The following TMEM232 variants were observed in gnomAD, a reference collection of about 807,000 sequenced individuals.
TMEM232 encodes the protein transmembrane protein 232.
Under a neutral mutation model 78.8 loss-of-function variants are expected in TMEM232, and 80 were observed. That is an observed-to-expected ratio of 1.01 (90% CI 0.85 to 1.22). The LOEUF (loss-of-function observed/expected upper bound fraction) is 1.22, where lower values mean the gene tolerates loss of function less well. TMEM232 is among the 50% of genes most tolerant of loss of function. The pLI, the probability that TMEM232 is intolerant of heterozygous loss-of-function variation, is 0.00. For synonymous variants in TMEM232, 297 were observed against 254.3 expected (o/e 1.17, Z -1.60); for missense variants, 881 against 742.2 (o/e 1.19, Z -2.17).
At chr5:110,517,273 G>A (rs1308476166) in intron 12 of TMEM232, among the ~76,000 whole-genome samples, 1 of 152,154 alleles carries the variant, frequency 6.6e-6, no homozygotes, top group East Asian at 1.9e-4. Flanking sequence ...CTAGAAGCTG[G>A]AGGAGAAGAA....
At chr5:110,448,440 T>G (rs1759902835) in intron 12 of TMEM232, among the ~76,000 whole-genome samples, 1 of 152,070 alleles carries the variant, frequency 6.6e-6, no homozygotes, top group Non-Finnish European at 1.5e-5. Context: ...TTCTAGAAAC[T>G]AACACCTAGC....
At chr5:110,676,578 G>A (rs1310875249) in intron 1 of TMEM232, among the ~76,000 whole-genome samples, 6 of 151,266 alleles carry the variant, frequency 4.0e-5, no homozygotes, top group Non-Finnish European at 7.4e-5. Context: ...TCTAATGTTT[G>A]TATGTATGTA....
At chr5:110,414,879 C>T (rs1248089355), downstream of TMEM232, among the ~76,000 whole-genome samples, 4 of 152,276 alleles carry the variant, frequency 2.6e-5, no homozygotes, top group East Asian at 7.7e-4. Flanking sequence ...GGTATGCTTT[C>T]TTCAATAATG....
At position 110,667,273 on chromosome 5, in the gene TMEM232, T is replaced by G; in HGVS notation, c.80A>C (p.Lys27Thr). ...ISSPYHEELWKLNFQHLSGER... is the reference protein window; with the variant it reads ...ISSPYHEELWTLNFQHLSGER... Reference sequence around the variant, plus strand: ...TCCACTTAAATGTTGAAAATTTAATTTCCAGAGCTCTTCATGATAAGGGGA... The same window carrying G: ...TCCACTTAAATGTTGAAAATTTAATGTCCAGAGCTCTTCATGATAAGGGGA... Residue 27 changes from lysine (K) to threonine (T), a missense_variant, in exon 2 of 14, where the codon AAA (lysine) becomes ACA (threonine). By Grantham distance (78) the Lys-to-Thr change is moderately conservative. Transcript: ENST00000455884. 1 of 1,547,346 alleles carries G rather than the reference T, an allele frequency of 6.5e-7. No individual in the cohort carries two copies. The highest frequency in any genetic ancestry group is 8.7e-7 in the Non-Finnish European group (1 of 1,144,434).
intron 12 of TMEM232, among the ~76,000 whole-genome samples, chr5:110,520,037 G>GTATATATATATATA (rs778212998): frequency 6.7e-6 from 1 of 148,284 alleles, no homozygotes; most frequent in African/African-American, 2.5e-5. Flanking sequence ...ATATATTTAT[G>GTATATATATATATA]TATATATATA....
At chr5:110,508,685 T>C (rs1171375844) in intron 12 of TMEM232, among the ~76,000 whole-genome samples, 2 of 150,550 alleles carry the variant, frequency 1.3e-5, no homozygotes, top group East Asian at 1.9e-4. Flanking sequence ...GTAAAGTTTC[T>C]GGTCAAGCTG....
chr5:110,641,909 C>T (rs1580468739), intron 3 of TMEM232, among the ~76,000 whole-genome samples: 1 of 152,186 alleles, frequency 6.6e-6, no homozygotes, highest in East Asian at 1.9e-4. Flanking sequence ...GAACAGAGTA[C>T]TTTGTGCATG....
At chr5:110,665,517 CA>C (rs145122010) in intron 2 of TMEM232, among the ~76,000 whole-genome samples, 1 of 152,182 alleles carries the variant, frequency 6.6e-6, no homozygotes, top group African/African-American at 2.4e-5. Flanking sequence ...CACCTCTTAA[CA>C]TGGTGGCAGG....
At chr5:110,487,502 G>C (rs533890831) in intron 12 of TMEM232, among the ~76,000 whole-genome samples, 88 of 152,182 alleles carry the variant, frequency 5.8e-4, no homozygotes, top group Non-Finnish European at 1.1e-3. Context: ...CAATTTTGCT[G>C]AGAGTTTTCA....
Position 110,691,187 on chromosome 5 carries a change from G to A in TMEM232, c.-12-23823C>T, listed in dbSNP as rs547969393. Among the ~76,000 whole-genome samples the A allele has an allele frequency of 7.3e-5, 11 of 150,684 alleles. No homozygotes were observed. In the East Asian group the frequency reaches 2.1e-3, roughly 29 times the overall value. On this transcript the variant is annotated intron_variant, in intron 1 of 13. Transcript: ENST00000455884. ...AAGAAAGGAAGCTTTGGACAATGAG[G>A]AAAATGAGTTTAAAAGCATCATTAA... is the stretch of plus-strand genomic sequence containing the variant.
At chr5:110,636,909 A>C (rs1192761545) in intron 5 of TMEM232, among the ~76,000 whole-genome samples, 1 of 152,048 alleles carries the variant, frequency 6.6e-6, no homozygotes, top group East Asian at 1.9e-4. Context: ...TGCAAAGTAT[A>C]AGCAATATGC....
At chr5:110,424,278 T>A (rs1336685188) in intron 13 of TMEM232, among the ~76,000 whole-genome samples, 1 of 152,188 alleles carries the variant, frequency 6.6e-6, no homozygotes, top group South Asian at 2.1e-4. Context: ...GCATTTTCTC[T>A]CATATTTTAA....
chr5:110,638,796 C>G (rs1580457267), intron 4 of TMEM232, among the ~76,000 whole-genome samples: 2 of 152,058 alleles, frequency 1.3e-5, no homozygotes, highest in South Asian at 4.1e-4. Flanking sequence ...ATTATAGATC[C>G]AACACTATAC....
chr5:110,544,562 G>GA (rs1773553817), intron 11 of TMEM232, among the ~76,000 whole-genome samples: 1 of 151,882 alleles, frequency 6.6e-6, no homozygotes, highest in Admixed American at 6.6e-5. Flanking sequence ...GAGAAAAAAG[G>GA]AAAAAATAAT....
chr5:110,481,254 T>C (rs1054638218), intron 12 of TMEM232, among the ~76,000 whole-genome samples: 6 of 152,118 alleles, frequency 3.9e-5, no homozygotes, highest in African/African-American at 1.2e-4. Context: ...TGCACTGTTA[T>C]AGGTGCTAAA....
At chr5:110,396,507 G>C (rs1755393303) in intron 3 of TMEM232, among the ~76,000 whole-genome samples, 1 of 152,188 alleles carries the variant, frequency 6.6e-6, no homozygotes, top group African/African-American at 2.4e-5. Context: ...ACATGGCATA[G>C]AGATGTGAGG....
chr5:110,636,987 G>T (rs1037307054), intron 5 of TMEM232, among the ~76,000 whole-genome samples: 1 of 151,790 alleles, frequency 6.6e-6, no homozygotes, highest in Non-Finnish European at 1.5e-5. Context: ...GGCAAGAAAT[G>T]GAGAAAGGTC....
chr5:110,693,480 A>G (rs2150235261), intron 1 of TMEM232, among the ~76,000 whole-genome samples: 1 of 152,348 alleles, frequency 6.6e-6, no homozygotes, highest in Non-Finnish European at 1.5e-5. Flanking sequence ...TTGAGAGAAG[A>G]AGGCTTCAGA....
intron 12 of TMEM232, among the ~76,000 whole-genome samples, chr5:110,465,047 C>G (rs1202384655): frequency 6.6e-6 from 1 of 152,168 alleles, no homozygotes. Flanking sequence ...TCAAAGAAAG[C>G]TGAGATGGTC....
Sources: allele counts gnomAD v4.1 joint callset (sites outside exome capture counted in the v4.1 genomes callset), GRCh38; gene constraint gnomAD v4.1.1; transcripts MANE v1.5; gene names NCBI Gene and HGNC (gene_info 2026-07-23, HGNC 2026-07-21).